GLP2R: variants seen among roughly 807,000 people sequenced by gnomAD.
GLP2R encodes the protein glucagon like peptide 2 receptor, also known as glucagon-like peptide 2 receptor.
A neutral mutation model predicts 68.2 loss-of-function variants in GLP2R; 59 were observed. That is an observed-to-expected ratio of 0.87 (90% CI 0.70 to 1.07). GLP2R has a LOEUF of 1.07. GLP2R is among the 50% of genes least tolerant of loss of function. GLP2R has a pLI of 0.00. For synonymous variants in GLP2R, 270 were observed against 265.4 expected (o/e 1.02, Z -0.17); for missense variants, 548 against 677.4 (o/e 0.81, Z 2.12).
rs576007901 is a variant in GLP2R, at chr17:9,876,227, T to C, written c.1146-4151T>C. Among the ~76,000 whole-genome samples the C allele has an allele frequency of 1.9e-3, 288 of 152,344 alleles. 3 individuals carry two copies. Among genetic ancestry groups the C allele is most frequent in the African/African-American group, 6.7e-3 (277 of 41,578 alleles). On this transcript the variant is annotated intron_variant, in intron 10 of 12. Coordinates refer to ENST00000262441, the MANE Select transcript of GLP2R (RefSeq NM_004246.3). Reference sequence around the variant, plus strand: ...ACCCCAGTTCTTTCTGAAAGGACTTTCTGATAGGCAATGTAGGAAACAAAA... The same window carrying C: ...ACCCCAGTTCTTTCTGAAAGGACTTCCTGATAGGCAATGTAGGAAACAAAA...
chr17:9,826,594 T>A (rs1378006461), intron 1 of GLP2R, among the ~76,000 whole-genome samples: 1 of 152,202 alleles, frequency 6.6e-6, no homozygotes, highest in Non-Finnish European at 1.5e-5. Flanking sequence ...GCTGCACATA[T>A]CCTTCTGTTT....
Position 9,836,039 on chromosome 17 carries a change from C to CA in GLP2R, c.278-311dup, listed in dbSNP as rs10706067. 6.2e-3 allele frequency among the ~76,000 whole-genome samples: 540 copies of CA among 86,966 alleles called. 3 individuals are homozygous for CA. The highest frequency in any genetic ancestry group is 7.9e-3 in the Non-Finnish European group (358 of 45,152). The allele number at this position is 86,966 out of a possible 152,430, so 57.1% of individuals were successfully genotyped here. On this transcript the variant is annotated intron_variant, in intron 2 of 12. Coordinates refer to ENST00000262441, the MANE Select transcript of GLP2R (RefSeq NM_004246.3). The stretch of plus-strand genomic sequence containing the variant: ...GGGCAATACAGTGAGACTCCATCTC[C>CA]AAAAAAAAAAAAAAAAAAAAAGAAA...
chr17:9,860,972 G>C (rs901603494), intron 7 of GLP2R, among the ~76,000 whole-genome samples, 167 bp from the exon 8 acceptor site: 6 of 152,126 alleles, frequency 3.9e-5, no homozygotes, highest in East Asian at 1.9e-4. Context: ...TAAAACAATG[G>C]ATGGGCCATG....
intron 3 of GLP2R, among the ~76,000 whole-genome samples, chr17:9,842,052 C>A (rs2066791812): frequency 6.6e-6 from 1 of 152,040 alleles, no homozygotes; most frequent in Non-Finnish European, 1.5e-5. Context: ...GTTAGGAGAG[C>A]TAGGCCCAGG....
chr17:9,882,139 T>C (rs1265446611), intron 11 of GLP2R, among the ~76,000 whole-genome samples: 1 of 152,190 alleles, frequency 6.6e-6, no homozygotes, highest in East Asian at 1.9e-4. Flanking sequence ...CTGGGACTGC[T>C]TTTGTTCTCT....
chr17:9,848,977 C>T (rs1037218875), intron 4 of GLP2R, among the ~76,000 whole-genome samples: 11 of 150,944 alleles, frequency 7.3e-5, no homozygotes, highest in African/African-American at 2.7e-4. Context: ...ATTACTATGC[C>T]TTACTTTGTC....
Position 9,854,581 on chromosome 17 carries a change from C to T in GLP2R, c.591C>T (p.Leu197=). The T allele has an allele frequency of 6.2e-7, 1 of 1,603,242 alleles. No homozygotes were observed. The highest frequency in any genetic ancestry group is 8.5e-7 in the Non-Finnish European group (1 of 1,170,060). ...CTCTTATCTCCCTCTTCCTGGCTCT[C>T]ACCCTCCTCTTGTTTCTTCGGTGAG... The part of the protein sequence containing the change: ...SFSLISLFLA[L]TLLLFLRKLH... The change falls in exon 5 of 13, where the codon CTC becomes CTT. Residue 197 remains leucine, a synonymous_variant. Transcript: ENST00000262441.
intron 5 of GLP2R, among the ~76,000 whole-genome samples, chr17:9,857,157 T>C (rs2066941356): frequency 6.6e-6 from 1 of 152,156 alleles, no homozygotes. Flanking sequence ...CCTGACGTCA[T>C]GATCCGCCTG....
chr17:9,889,575 G>A lies in GLP2R; in HGVS notation c.1532G>A (p.Gly511Glu). The A allele has an allele frequency of 5.0e-6, 8 of 1,614,144 alleles. No homozygotes were observed. The highest frequency in any genetic ancestry group is 6.8e-6 in the Non-Finnish European group (8 of 1,180,012). The change falls in exon 13 of 13, where the codon GGG becomes GAG. Residue 511 changes from glycine to glutamate, a missense_variant. Transcript: ENST00000262441. Reference sequence around the variant, plus strand: ...CTACATCTAGCCATGCGAGGTCTTGGGGAGCTGGGCGCCCAGCCCCAACAG... The same window carrying A: ...CTACATCTAGCCATGCGAGGTCTTGAGGAGCTGGGCGCCCAGCCCCAACAG... ...RLLHLAMRGL[G>E]ELGAQPQQDH...
At chr17:9,858,650 T>C (rs1029817079) in intron 6 of GLP2R, among the ~76,000 whole-genome samples, 7 of 152,262 alleles carry the variant, frequency 4.6e-5, no homozygotes, top group African/African-American at 1.7e-4. Flanking sequence ...TATGGATTAA[T>C]TACGAATCTA....
intron 11 of GLP2R, among the ~76,000 whole-genome samples, chr17:9,883,239 G>T (rs1359121257): frequency 6.6e-6 from 1 of 152,248 alleles, no homozygotes; most frequent in South Asian, 2.1e-4. Flanking sequence ...TATTAGGAAA[G>T]CTTAGATTTA....
intron 11 of GLP2R, among the ~76,000 whole-genome samples, chr17:9,880,970 C>T (rs543541105): frequency 1.2e-4 from 18 of 152,298 alleles, no homozygotes; most frequent in African/African-American, 3.8e-4. Flanking sequence ...GGAGTTGAAA[C>T]TAGGAACAAG....
chr17:9,851,761 A>G (rs996475734), intron 4 of GLP2R, among the ~76,000 whole-genome samples: 1 of 152,224 alleles, frequency 6.6e-6, no homozygotes, highest in Non-Finnish European at 1.5e-5. Context: ...GAAATAGTAC[A>G]TATAAAGGTA....
intron 10 of GLP2R, among the ~76,000 whole-genome samples, chr17:9,879,138 G>A (rs952883049): frequency 1.3e-5 from 2 of 151,818 alleles, no homozygotes; most frequent in African/African-American, 4.8e-5. Context: ...CATCCAGCCA[G>A]GTGCAGTGGT....
At chr17:9,848,946 C>T (rs1017802392) in intron 4 of GLP2R, among the ~76,000 whole-genome samples, 2 of 150,144 alleles carry the variant, frequency 1.3e-5, no homozygotes, top group African/African-American at 4.9e-5. Context: ...TATGGAATTG[C>T]GTTTAATGGA....
chr17:9,879,532 G>C (rs767166649), intron 10 of GLP2R, among the ~76,000 whole-genome samples: 2 of 151,958 alleles, frequency 1.3e-5, no homozygotes, highest in African/African-American at 2.4e-5. Context: ...CCAACCTCCA[G>C]AGGTGTGGAT....
intron 10 of GLP2R, among the ~76,000 whole-genome samples, chr17:9,875,387 C>T (rs1244851466): frequency 6.6e-6 from 1 of 152,166 alleles, no homozygotes; most frequent in African/African-American, 2.4e-5. Context: ...GGTGACAGGG[C>T]CCAGCATATT....
chr17:9,886,702 G>T (rs957512700), intron 11 of GLP2R, among the ~76,000 whole-genome samples: 5 of 152,176 alleles, frequency 3.3e-5, no homozygotes, highest in African/African-American at 1.2e-4. Flanking sequence ...GGTTGATGTC[G>T]TGATTGCCAG....
At chr17:9,884,815 A>T (rs915707436) in intron 11 of GLP2R, among the ~76,000 whole-genome samples, 1 of 152,158 alleles carries the variant, frequency 6.6e-6, no homozygotes, top group Admixed American at 6.5e-5. Flanking sequence ...GATAAGGTTT[A>T]GTAATTTGGA....
Sources: gnomAD v4.1 joint callset for allele counts (sites outside exome capture counted in the v4.1 genomes callset) on GRCh38, gnomAD v4.1.1 for gene constraint, MANE v1.5 for transcripts, NCBI Gene and HGNC (gene_info 2026-07-23, HGNC 2026-07-21) for gene names.